The following COL26A1 variants were observed in gnomAD, a reference collection of about 807,000 sequenced individuals.
COL26A1 encodes collagen alpha-1(XXVI) chain.
In COL26A1, 41 loss-of-function variants were observed where a neutral mutation model predicts 59.3. That is an observed-to-expected ratio of 0.69 (90% CI 0.54 to 0.90). The LOEUF is 0.90. Among genes scored for constraint, COL26A1 ranks in the 40% least tolerant of loss-of-function variants. The pLI, the probability that COL26A1 is intolerant of heterozygous loss-of-function variation, is 0.00. For synonymous variants in COL26A1, 266 were observed against 256.0 expected (o/e 1.04, Z -0.37); for missense variants, 612 against 602.3 (o/e 1.02, Z -0.17).
chr7:101,370,293 AAGACCATTCACCATTTGGCT>A (rs1464089736), intron 1 of COL26A1, among the ~76,000 whole-genome samples: 1 of 152,190 alleles, frequency 6.6e-6, no homozygotes, highest in Non-Finnish European at 1.5e-5. Context: ...ACTAAAGATG[AAGACCATTCACCATTTGGCT>A]AGATATTTAA....
At chr7:101,510,630 C>T (rs906781804) in intron 3 of COL26A1, among the ~76,000 whole-genome samples, 1 of 152,166 alleles carries the variant, frequency 6.6e-6, no homozygotes, top group Admixed American at 6.5e-5. Context: ...ACCTCAGCTT[C>T]CCATGTAGCT....
At chr7:101,468,601 T>C (rs1201167796) in intron 3 of COL26A1, among the ~76,000 whole-genome samples, 1 of 152,212 alleles carries the variant, frequency 6.6e-6, no homozygotes, top group Non-Finnish European at 1.5e-5. Flanking sequence ...AGAAGGGGGC[T>C]TACCTTCCCA....
intron 3 of COL26A1, among the ~76,000 whole-genome samples, chr7:101,488,667 C>T (rs987409005): frequency 1.1e-4 from 16 of 152,108 alleles, no homozygotes; most frequent in Non-Finnish European, 7.3e-5. Context: ...TAAGCCACCG[C>T]GCCCGAACTT....
intron 3 of COL26A1, among the ~76,000 whole-genome samples, chr7:101,497,503 C>T (rs1321146605): frequency 1.3e-5 from 2 of 151,782 alleles, no homozygotes; most frequent in East Asian, 3.9e-4. Flanking sequence ...AGCAAAATCC[C>T]GTCTCTACAA....
chr7:101,489,803 T>C (rs868728951), intron 3 of COL26A1, among the ~76,000 whole-genome samples: 29 of 1,832 alleles, frequency 0.016, 1 homozygote, highest in Admixed American at 0.029. Flanking sequence ...TCTTTCTTTC[T>C]TTCTTTCTTT....
At chr7:101,468,825 C>G (rs1793826933) in intron 3 of COL26A1, among the ~76,000 whole-genome samples, 1 of 152,214 alleles carries the variant, frequency 6.6e-6, no homozygotes. Flanking sequence ...AGGCCAAGCC[C>G]TTGGCGCTCA....
Position 101,362,934 on chromosome 7 carries a change from TGTG to T in COL26A1, c.-98_-96del. On this transcript the variant is annotated 5_prime_UTR_variant, in exon 1 of 13. Coordinates refer to ENST00000313669, the MANE Select transcript of COL26A1 (RefSeq NM_001278563.3). ...CGACCGCTCGCCCCGCTCCTCTCGC[TGTG>T]CTCCCGGCCGGTGCCGCGGGTTCGG... is the stretch of plus-strand genomic sequence containing the variant. The T allele has an allele frequency of 2.2e-5, 28 of 1,276,236 alleles. 1 individual carries two copies. The highest frequency in any genetic ancestry group is 2.7e-5 in the Non-Finnish European group (26 of 960,528). The allele number at this position is 1,276,236 out of a possible 1,614,324, so 79.1% of individuals were successfully genotyped here.
chr7:101,409,402 A>G (rs547369130), intron 1 of COL26A1, among the ~76,000 whole-genome samples: 1 of 152,368 alleles, frequency 6.6e-6, no homozygotes, highest in Non-Finnish European at 1.5e-5. Flanking sequence ...CTACATACTC[A>G]TTCTGTGACT....
rs537457341 is a variant in COL26A1 at position 101,371,403 on chromosome 7, C to G, written c.158+8213C>G. Among the ~76,000 whole-genome samples the G allele has an allele frequency of 3.3e-5, 5 of 152,190 alleles. 1 individual carries two copies. In the East Asian group the frequency reaches 9.7e-4, roughly 29 times the overall value. ...GTGCCTCATGCCTTTAATCCCAGCA[C>G]TTTGGGAGACCGAGGTGGGAGGATC... On this transcript the variant is annotated intron_variant, in intron 1 of 12. Coordinates refer to ENST00000313669, the MANE Select transcript of COL26A1 (RefSeq NM_001278563.3).
rs1387032420 is a variant in COL26A1, at chr7:101,400,351, C to CTTTTTTTTTTTTTTTTTTTTTTTTT, written c.159-19625_159-19624insTTTTTTTTTTTTTTTTTTTTTTTTT. On this transcript the variant is annotated intron_variant, in intron 1 of 12. Transcript: ENST00000313669. ...GTCCACACTGCCTTTCTTTTTTTTC[C>CTTTTTTTTTTTTTTTTTTTTTTTTT]TATTTTTTTTTTTTTTTTTTTTTTT... Among the ~76,000 whole-genome samples the CTTTTTTTTTTTTTTTTTTTTTTTTT allele has an allele frequency of 4.1e-5, 5 of 123,352 alleles. 2 individuals are homozygous for CTTTTTTTTTTTTTTTTTTTTTTTTT. Among genetic ancestry groups the CTTTTTTTTTTTTTTTTTTTTTTTTT allele is most frequent in the Non-Finnish European group, 8.5e-5 (5 of 59,072 alleles). 80.9% of individuals were successfully genotyped at this position (123,352 alleles called of 152,430 possible). A position where few individuals can be genotyped will look rare whatever the true frequency, so the allele number is the denominator to read the frequency against.
chr7:101,539,324 A>C (rs1395476175), intron 4 of COL26A1, among the ~76,000 whole-genome samples: 1 of 125,924 alleles, frequency 7.9e-6, no homozygotes, highest in Non-Finnish European at 1.7e-5. Flanking sequence ...GTGTGTGCGT[A>C]TGTGTGTGTG....
rs566608885 is a variant in COL26A1 at position 101,509,948 on chromosome 7, G to A, written c.386-23134G>A. 2.6e-3 allele frequency among the ~76,000 whole-genome samples: 399 copies of A among 151,268 alleles called. 3 individuals are homozygous for A. The highest frequency in any genetic ancestry group is 9.3e-3 in the African/African-American group (383 of 40,998). On this transcript the variant is annotated intron_variant, in intron 3 of 12. Coordinates refer to ENST00000313669, the MANE Select transcript of COL26A1 (RefSeq NM_001278563.3). ...TCACCATGTTGGCCAGGCTGGTCTCGAACTCCTGACCTCAGGTGATCTGCC... is the reference window on the plus strand; with the variant it reads ...TCACCATGTTGGCCAGGCTGGTCTCAAACTCCTGACCTCAGGTGATCTGCC...
At chr7:101,528,776 CG>C (rs1447610121) in intron 3 of COL26A1, among the ~76,000 whole-genome samples, 8 of 152,230 alleles carry the variant, frequency 5.3e-5, no homozygotes, top group African/African-American at 1.9e-4. Context: ...CTCAAACTCC[CG>C]GGCTCAAGCG....
At chr7:101,510,707 A>T (rs1340131208) in intron 3 of COL26A1, among the ~76,000 whole-genome samples, 2 of 151,334 alleles carry the variant, frequency 1.3e-5, no homozygotes, top group Non-Finnish European at 2.9e-5. Flanking sequence ...TGAGGCTGGG[A>T]GGGGGTCTCA....
At chr7:101,369,475 G>T (rs1791133205) in intron 1 of COL26A1, among the ~76,000 whole-genome samples, 1 of 116,614 alleles carries the variant, frequency 8.6e-6, no homozygotes, top group Admixed American at 1.0e-4. Context: ...TTGAGACAGA[G>T]TCTCGCTCTG....
chr7:101,540,127 G>A (rs748856876), intron 5 of COL26A1, 78 bp downstream of exon 5: 167 of 1,439,298 alleles, frequency 1.2e-4, no homozygotes, highest in Non-Finnish European at 1.4e-4. Context: ...CCTCCCTAGA[G>A]AGGCCACACA....
intron 2 of COL26A1, among the ~76,000 whole-genome samples, chr7:101,429,589 C>CTTTTTTTTTTTTTTTTTTTTTTT (rs58432413): frequency 1.3e-4 from 10 of 78,700 alleles, no homozygotes; most frequent in African/African-American, 4.1e-4. Context: ...TTCTTTTTTA[C>CTTTTTTTTTTTTTTTTTTTTTTT]TTTTTTTTTT....
At chr7:101,468,356 C>G (rs7804366) in intron 3 of COL26A1, among the ~76,000 whole-genome samples, 1 of 151,952 alleles carries the variant, frequency 6.6e-6, no homozygotes, top group African/African-American at 2.4e-5. Flanking sequence ...TAAAAGGAAA[C>G]CCTTACCAAG....
intron 3 of COL26A1, among the ~76,000 whole-genome samples, chr7:101,518,155 A>G (rs902941116): frequency 1.2e-4 from 19 of 152,064 alleles, no homozygotes; most frequent in Middle Eastern, 3.2e-3. Context: ...TCTCTCTGAA[A>G]GCCCCAATGG....
Sources: gnomAD v4.1 joint callset for allele counts (sites outside exome capture counted in the v4.1 genomes callset) on GRCh38, gnomAD v4.1.1 for gene constraint, MANE v1.5 for transcripts, NCBI Gene and HGNC (gene_info 2026-07-23, HGNC 2026-07-21) for gene names.